The following GPBP1 variants were observed in gnomAD, a reference collection of about 807,000 sequenced individuals.
The protein encoded by GPBP1 is vasculin.
GPBP1 carries 13 observed loss-of-function variants against 56.5 expected under a neutral mutation model. The ratio of observed to expected loss-of-function variants is 0.23; its 90% CI spans 0.15 to 0.37. The LOEUF is 0.37. Among genes scored for constraint, GPBP1 ranks in the 10% least tolerant of loss-of-function variants. The pLI, the probability that GPBP1 is intolerant of heterozygous loss-of-function variation, is 1.00. For missense variants in GPBP1, 477 were observed against 572.3 expected (o/e 0.83, Z 1.70); for synonymous variants, 204 against 188.9 (o/e 1.08, Z -0.66).
rs1055402938 is a variant in GPBP1 at position 57,217,635 on chromosome 5, T to C, written c.63+3442T>C. Among the ~76,000 whole-genome samples, 7 of 152,312 alleles carry C rather than the reference T, an allele frequency of 4.6e-5. No individual in the cohort carries two copies. The East Asian group carries it at 1.4e-3, about 29-fold the overall frequency. On this transcript the variant is annotated intron_variant, in intron 3 of 11. Coordinates refer to ENST00000506184, the MANE Select transcript of GPBP1 (RefSeq NM_022913.4). ...AAGTGGTCAAAGATCTACCTGTAACTGTCTAGATATTTGCCTCTAAATAAT... is the reference window on the plus strand; with the variant it reads ...AAGTGGTCAAAGATCTACCTGTAACCGTCTAGATATTTGCCTCTAAATAAT...
At chr5:57,244,045 T>G (rs981752066) in intron 6 of GPBP1, among the ~76,000 whole-genome samples, 1 of 152,192 alleles carries the variant, frequency 6.6e-6, no homozygotes, top group Admixed American at 6.5e-5. Context: ...TTCTTATATC[T>G]TCAGCTTTCC....
chr5:57,253,936 G>A lies in GPBP1; in HGVS notation c.1160+2795G>A, dbSNP rs535059880. Among the ~76,000 whole-genome samples, 5 of 151,850 alleles carry A rather than the reference G, an allele frequency of 3.3e-5. No individual in the cohort carries two copies. The South Asian group carries it at 6.3e-4, about 19-fold the overall frequency. The stretch of plus-strand genomic sequence containing the variant: ...ACGACACCTGGCTAGATCTTCTTTC[G>A]TTCTTTTCTTTCTTTTTTTGAGGCA... On this transcript the variant is annotated intron_variant, in intron 10 of 11. Transcript: ENST00000506184.
At chr5:57,208,472 A>G (rs1755332120) in intron 2 of GPBP1, among the ~76,000 whole-genome samples, 1 of 151,802 alleles carries the variant, frequency 6.6e-6, no homozygotes, top group African/African-American at 2.4e-5. Context: ...AGCTCAAGTG[A>G]TCTGCTCACC....
chr5:57,221,427 TATTGAAAAATTTAGATAA>T (rs1233739963), intron 3 of GPBP1: 4 of 1,417,990 alleles, frequency 2.8e-6, no homozygotes, highest in Non-Finnish European at 2.9e-6. Context: ...ATTGAACAGA[TATTGAAAAATTTAGATAA>T]CTAGCAAATT....
intron 5 of GPBP1, among the ~76,000 whole-genome samples, chr5:57,232,717 T>A (rs1210378730): frequency 1.3e-5 from 2 of 152,234 alleles, no homozygotes; most frequent in Non-Finnish European, 2.9e-5. Flanking sequence ...AAGTTATAAA[T>A]GACCCTGTCT....
intron 6 of GPBP1, among the ~76,000 whole-genome samples, chr5:57,242,812 T>C (rs1438478571): frequency 1.3e-5 from 2 of 152,106 alleles, no homozygotes; most frequent in African/African-American, 4.8e-5. Flanking sequence ...TGCAGTGGTG[T>C]GATCTCATCT....
At chr5:57,207,902 A>G (rs2111732077) in intron 2 of GPBP1, among the ~76,000 whole-genome samples, 1 of 152,042 alleles carries the variant, frequency 6.6e-6, no homozygotes, top group East Asian at 1.9e-4. Context: ...CTGGACATCC[A>G]GCTATTTGTG....
chr5:57,234,670 G>C (rs1756592899), intron 5 of GPBP1, among the ~76,000 whole-genome samples: 1 of 152,220 alleles, frequency 6.6e-6, no homozygotes, highest in African/African-American at 2.4e-5. Context: ...CAGATGTGCA[G>C]CAGAAAAGGA....
intron 2 of GPBP1, among the ~76,000 whole-genome samples, chr5:57,207,394 G>A (rs1755276503): frequency 6.6e-6 from 1 of 152,070 alleles, no homozygotes; most frequent in Non-Finnish European, 1.5e-5. Flanking sequence ...GCATGTGATG[G>A]GGGTGTGCCT....
intron 3 of GPBP1, 63 bp downstream of exon 3, chr5:57,214,256 A>C (rs1286516083): frequency 7.6e-7 from 1 of 1,314,472 alleles, no homozygotes; most frequent in Non-Finnish European, 1.1e-6. Flanking sequence ...CACAAATGTA[A>C]TTAAGTCATG....
At chr5:57,176,768 G>A (rs1387458467) in intron 2 of GPBP1, among the ~76,000 whole-genome samples, 1 of 152,196 alleles carries the variant, frequency 6.6e-6, no homozygotes, top group African/African-American at 2.4e-5. Flanking sequence ...TTCCTAGCCA[G>A]TTTGTATTCT....
At chr5:57,211,607 A>T (rs933761502) in intron 2 of GPBP1, among the ~76,000 whole-genome samples, 1 of 122,206 alleles carries the variant, frequency 8.2e-6, no homozygotes, top group Admixed American at 8.9e-5. Flanking sequence ...GTTGTTGGAG[A>T]TGGAGTTTCC....
intron 2 of GPBP1, among the ~76,000 whole-genome samples, chr5:57,209,291 G>T (rs955581592): frequency 2.6e-5 from 4 of 151,844 alleles, no homozygotes; most frequent in Non-Finnish European, 5.9e-5. Flanking sequence ...TCCCAATTTG[G>T]ATGCCATTTA....
intron 2 of GPBP1, among the ~76,000 whole-genome samples, chr5:57,196,231 G>T (rs965731999): frequency 2.6e-5 from 4 of 151,950 alleles, no homozygotes; most frequent in African/African-American, 4.8e-5. Context: ...CGAAGTCCTG[G>T]CCTCAAGTGA....
At chr5:57,242,460 A>G (rs976403618) in intron 6 of GPBP1, among the ~76,000 whole-genome samples, 7 of 152,190 alleles carry the variant, frequency 4.6e-5, no homozygotes, top group East Asian at 1.9e-4. Flanking sequence ...ATCTGGTACA[A>G]AAGTACACAT....
chr5:57,257,780 C>G (rs987215518), intron 10 of GPBP1, among the ~76,000 whole-genome samples: 1 of 152,000 alleles, frequency 6.6e-6, no homozygotes, highest in Non-Finnish European at 1.5e-5. Context: ...TAATTGGGAC[C>G]TAAATTAAAT....
intron 3 of GPBP1, among the ~76,000 whole-genome samples, chr5:57,216,900 G>A (rs138742446): frequency 5.3e-5 from 8 of 151,040 alleles, no homozygotes; most frequent in Admixed American, 6.6e-5. Flanking sequence ...AGACTCGAAT[G>A]GCTCATGACT....
At chr5:57,208,957 G>A (rs1755359518) in intron 2 of GPBP1, among the ~76,000 whole-genome samples, 1 of 152,024 alleles carries the variant, frequency 6.6e-6, no homozygotes, top group African/African-American at 2.4e-5. Context: ...GCTGGGCCAG[G>A]GATGTCTTTC....
At chr5:57,247,708 G>T (rs1241164317) in intron 8 of GPBP1, among the ~76,000 whole-genome samples, 1 of 151,762 alleles carries the variant, frequency 6.6e-6, no homozygotes, top group African/African-American at 2.4e-5. Flanking sequence ...GAGTGGGGAT[G>T]GGGGGGAATT....
Sources: gnomAD v4.1 joint callset for allele counts (sites outside exome capture counted in the v4.1 genomes callset) on GRCh38, gnomAD v4.1.1 for gene constraint, MANE v1.5 for transcripts, NCBI Gene and HGNC (gene_info 2026-07-23, HGNC 2026-07-21) for gene names.